ADCY10: variants seen among roughly 807,000 people sequenced by gnomAD.
The protein encoded by ADCY10 is adenylate cyclase type 10.
A neutral mutation model predicts 183.3 loss-of-function variants in ADCY10; 156 were observed. That is an observed-to-expected ratio of 0.85 (90% CI 0.75 to 0.97). The LOEUF (loss-of-function observed/expected upper bound fraction) is 0.97. Ranked by LOEUF, ADCY10 falls within the 50% of genes least tolerant of loss-of-function variation. The pLI, the probability that ADCY10 is intolerant of heterozygous loss-of-function variation, is 0.00. For synonymous variants in ADCY10, 645 were observed against 670.0 expected, an observed-to-expected ratio of 0.96 and a Z score of 0.58; for missense variants, 1,745 against 1,934.3, an observed-to-expected ratio of 0.90 and a Z score of 1.84.
intron 13 of ADCY10, among the ~76,000 whole-genome samples, chr1:167,872,880 G>A (rs1405557065): frequency 6.6e-6 from 1 of 151,328 alleles, no homozygotes; most frequent in Admixed American, 6.6e-5. Flanking sequence ...GACCAGCCTG[G>A]CCAATATGGT....
chr1:167,819,189 G>A (rs71632327), intron 30 of ADCY10, among the ~76,000 whole-genome samples: 4,307 of 151,578 alleles, frequency 0.028, 97 homozygotes, highest in Non-Finnish European at 0.038. Flanking sequence ...CCTGCATTTG[G>A]AACTACCTTC....
intron 12 of ADCY10, among the ~76,000 whole-genome samples, chr1:167,875,564 G>A (rs1050334805): frequency 6.6e-6 from 1 of 152,200 alleles, no homozygotes; most frequent in East Asian, 1.9e-4. Context: ...CAATAATAGC[G>A]CGCCTTTTAT....
At chr1:167,832,881 C>T in intron 25 of ADCY10, 106 bp downstream of exon 25, 3 of 1,205,430 alleles carry the variant, frequency 2.5e-6, no homozygotes, top group Non-Finnish European at 3.6e-6. Flanking sequence ...AAACAGGAGT[C>T]CTTGTGCCCC....
At chr1:167,855,722 G>A (rs1371755310) in intron 17 of ADCY10, among the ~76,000 whole-genome samples, 1 of 152,148 alleles carries the variant, frequency 6.6e-6, no homozygotes, top group Non-Finnish European at 1.5e-5. Context: ...CCTTCAAAAG[G>A]TGGACCAGAC....
chr1:167,860,803 T>C (rs1666229372), intron 15 of ADCY10, 68 bp downstream of exon 15: 1 of 1,318,432 alleles, frequency 7.6e-7, no homozygotes, highest in Non-Finnish European at 1.1e-6. Context: ...TAAGTCACAA[T>C]GCACCAGAGA....
chr1:167,818,630 T>C (rs1450381609), intron 30 of ADCY10, among the ~76,000 whole-genome samples: 2 of 152,128 alleles, frequency 1.3e-5, no homozygotes, highest in Non-Finnish European at 2.9e-5. Flanking sequence ...CTCTGCCTCC[T>C]GGGTTCAAGT....
Position 167,851,868 on chromosome 1 carries a change from A to G in ADCY10, c.2308+2485T>C, listed in dbSNP as rs150640019. 6.1e-3 allele frequency among the ~76,000 whole-genome samples: 927 copies of G among 152,182 alleles called. 13 individuals carry two copies. The highest frequency in any genetic ancestry group is 0.021 in the African/African-American group (864 of 41,522). On this transcript the variant is annotated intron_variant, in intron 18 of 32. Transcript: ENST00000367851. ...GATACAATACTTTAGTCTACTGTCC[A>G]TATCCCAATTTTGTGAATTGATCAA...
chr1:167,888,747 G>T (rs1668397008), intron 8 of ADCY10, among the ~76,000 whole-genome samples: 1 of 151,820 alleles, frequency 6.6e-6, no homozygotes, highest in South Asian at 2.1e-4. Context: ...GTGGTGGCGG[G>T]CGCCTGTGGT....
chr1:167,835,786 AG>A (rs1436480943), intron 23 of ADCY10, among the ~76,000 whole-genome samples: 8 of 152,168 alleles, frequency 5.3e-5, no homozygotes, highest in African/African-American at 1.9e-4. Flanking sequence ...GCTACTCAGG[AG>A]GCTGAAGTGG....
Position 167,845,319 on chromosome 1 carries a change from C to T in ADCY10, c.3007+244G>A, listed in dbSNP as rs1051898964. Among the ~76,000 whole-genome samples, 15 of 152,260 alleles carry T rather than the reference C, an allele frequency of 9.9e-5. 1 individual carries two copies. The highest frequency in any genetic ancestry group is 9.1e-4 in the Admixed American group (14 of 15,302). ...TGAGTTCTGGTCACATCCCATTTTG[C>T]CAGAGCCCCTATCCCCAAACCCTCC... On this transcript the variant is annotated intron_variant, in intron 21 of 32. Coordinates refer to ENST00000367851, the MANE Select transcript of ADCY10 (RefSeq NM_018417.6).
chr1:167,839,071 C>T (rs1664435129), intron 21 of ADCY10, among the ~76,000 whole-genome samples: 1 of 152,206 alleles, frequency 6.6e-6, no homozygotes, highest in South Asian at 2.1e-4. Flanking sequence ...TGGACAACTG[C>T]AAAAAACTAA....
At chr1:167,879,415 G>T (rs11586905) in intron 11 of ADCY10, among the ~76,000 whole-genome samples, 10,476 of 152,074 alleles carry the variant, frequency 0.069, 406 homozygotes, top group Middle Eastern at 0.11. Flanking sequence ...TCTGAACAAG[G>T]TACTCTTTTT....
Position 167,868,896 on chromosome 1 carries a change from T to A in ADCY10, c.1616+1361A>T, listed in dbSNP as rs141576268. Among the ~76,000 whole-genome samples the A allele has an allele frequency of 4.1e-3, 621 of 152,254 alleles. 4 individuals are homozygous for A. The highest frequency in any genetic ancestry group is 0.015 in the African/African-American group (605 of 41,544). ...TGCAAGCTGTTTTAGAAATCATCAC[T>A]AATAAAACCAGTCAAGCCTTGACTA... On this transcript the variant is annotated intron_variant, in intron 14 of 32. Coordinates refer to ENST00000367851, the MANE Select transcript of ADCY10 (RefSeq NM_018417.6).
intron 26 of ADCY10, among the ~76,000 whole-genome samples, chr1:167,828,774 C>A (rs755117509): frequency 5.3e-5 from 8 of 152,128 alleles, no homozygotes; most frequent in Middle Eastern, 3.4e-3. Context: ...CCAGCCTGGC[C>A]AACATGGTGA....
chr1:167,905,591 T>C (rs1669757834), intron 1 of ADCY10, among the ~76,000 whole-genome samples: 1 of 148,648 alleles, frequency 6.7e-6, no homozygotes, highest in African/African-American at 2.6e-5. Flanking sequence ...TTTACTTTTT[T>C]CTCTCTTTAA....
At chr1:167,889,339 T>G (rs2102323433) in intron 8 of ADCY10, among the ~76,000 whole-genome samples, 1 of 152,304 alleles carries the variant, frequency 6.6e-6, no homozygotes, top group South Asian at 2.1e-4. Context: ...GATAATATGG[T>G]TTTTGTCCTT....
chr1:167,899,721 C>A, intron 5 of ADCY10, 93 bp from the exon 6 acceptor site: 1 of 1,201,140 alleles, frequency 8.3e-7, no homozygotes, highest in Non-Finnish European at 1.2e-6. Flanking sequence ...CTTGGTGGGA[C>A]TATACTATCT....
intron 18 of ADCY10, among the ~76,000 whole-genome samples, chr1:167,850,697 G>GTGTGTGTGTGTGTGTGTGTGTGTGTA (rs1553267959): frequency 1.4e-5 from 2 of 142,260 alleles, no homozygotes; most frequent in East Asian, 2.2e-4. Context: ...GTGTGTGTGT[G>GTGTGTGTGTGTGTGTGTGTGTGTGTA]TGTGTGTGTG....
chr1:167,878,751 G>A, intron 11 of ADCY10, 116 bp from the exon 12 acceptor site: 1 of 1,026,014 alleles, frequency 9.7e-7, no homozygotes, highest in Non-Finnish European at 1.5e-6. Context: ...TGCTGTTCAT[G>A]AGTGACACAG....
Sources: allele counts gnomAD v4.1 joint callset (sites outside exome capture counted in the v4.1 genomes callset), GRCh38; gene constraint gnomAD v4.1.1; transcripts MANE v1.5; gene names NCBI Gene and HGNC (gene_info 2026-07-23, HGNC 2026-07-21).